Variants in AKAP13 observed in about 807,000 individuals in gnomAD.
AKAP13 encodes A-kinase anchor protein 13.
A neutral mutation model predicts 264.5 loss-of-function variants in AKAP13; 80 were observed. The ratio of observed to expected loss-of-function variants is 0.30; its 90% CI spans 0.25 to 0.36. AKAP13 has a LOEUF of 0.36. AKAP13 is among the 10% of genes least tolerant of loss of function. The probability of loss-of-function intolerance (pLI) is 1.00; values close to 1 mark genes in which losing one functional copy is unlikely to be tolerated. For missense variants in AKAP13, 3,712 were observed against 3,435.2 expected, an observed-to-expected ratio of 1.08 and a Z score of -2.01; for synonymous variants, 1,380 against 1,250.2, an observed-to-expected ratio of 1.10 and a Z score of -2.19.
At chr15:85,563,865 C>G (rs146188609) in intron 5 of AKAP13, among the ~76,000 whole-genome samples, 1 of 152,208 alleles carries the variant, frequency 6.6e-6, no homozygotes, top group Admixed American at 6.5e-5. Context: ...AGGACTGTTA[C>G]ATTTTTTATA....
At chr15:85,527,295 C>T (rs989856797) in intron 3 of AKAP13, among the ~76,000 whole-genome samples, 10 of 152,044 alleles carry the variant, frequency 6.6e-5, no homozygotes, top group African/African-American at 2.4e-4. Context: ...TTATATATTT[C>T]ATAACTTTGG....
At chr15:85,444,898 C>G (rs866212134) in intron 1 of AKAP13, among the ~76,000 whole-genome samples, 1 of 152,128 alleles carries the variant, frequency 6.6e-6, no homozygotes, top group Non-Finnish European at 1.5e-5. Context: ...TCATATGGTA[C>G]AATCATCATA....
At chr15:85,731,145 A>T (rs543703582) in intron 30 of AKAP13, among the ~76,000 whole-genome samples, 1 of 151,782 alleles carries the variant, frequency 6.6e-6, no homozygotes, top group Admixed American at 6.6e-5. Flanking sequence ...GCTTGGGACT[A>T]CAGATGTGCA....
At chr15:85,694,925 T>A (rs559863093) in intron 17 of AKAP13, among the ~76,000 whole-genome samples, 1 of 152,346 alleles carries the variant, frequency 6.6e-6, no homozygotes, top group African/African-American at 2.4e-5. Flanking sequence ...AAGTAATTTC[T>A]TACTAAAAAT....
At chr15:85,460,436 AC>A (rs1382289726) in intron 1 of AKAP13, among the ~76,000 whole-genome samples, 1 of 151,980 alleles carries the variant, frequency 6.6e-6, no homozygotes, top group Admixed American at 6.6e-5. Flanking sequence ...GAACCCTGTC[AC>A]CCCCAGCCTG....
chr15:85,404,963 G>A (rs2071596426), intron 1 of AKAP13, among the ~76,000 whole-genome samples: 1 of 152,182 alleles, frequency 6.6e-6, no homozygotes, highest in Non-Finnish European at 1.5e-5. Context: ...TTATGTAGCA[G>A]TGGTTGTGTT....
At chr15:85,396,697 G>A (rs1416574132) in intron 1 of AKAP13, among the ~76,000 whole-genome samples, 2 of 152,158 alleles carry the variant, frequency 1.3e-5, no homozygotes, top group Non-Finnish European at 2.9e-5. Context: ...TCCAGGATAT[G>A]AAACAGACAA....
At chr15:85,485,364 T>C (rs928118435) in intron 1 of AKAP13, among the ~76,000 whole-genome samples, 4 of 152,192 alleles carry the variant, frequency 2.6e-5, no homozygotes, top group Non-Finnish European at 5.9e-5. Context: ...TTTGTGAGTT[T>C]GAGGGACTAC....
At chr15:85,458,408 T>TA (rs1555431455) in intron 1 of AKAP13, among the ~76,000 whole-genome samples, 1 of 147,926 alleles carries the variant, frequency 6.8e-6, no homozygotes, top group African/African-American at 2.5e-5. Context: ...TTTTTTTTTT[T>TA]ACTATATATG....
At chr15:85,586,921 C>G (rs548085401) in intron 8 of AKAP13, among the ~76,000 whole-genome samples, 4 of 107,470 alleles carry the variant, frequency 3.7e-5, no homozygotes, top group Non-Finnish European at 6.1e-5. Flanking sequence ...GAGCACGACA[C>G]CTTCTCAAAA....
chr15:85,616,567 T>C (rs1178910283), intron 8 of AKAP13, among the ~76,000 whole-genome samples: 2 of 152,210 alleles, frequency 1.3e-5, no homozygotes, highest in Non-Finnish European at 2.9e-5. Context: ...TGTAAGTAAC[T>C]ACTGTTAAGT....
intron 3 of AKAP13, among the ~76,000 whole-genome samples, chr15:85,524,508 A>C (rs371433963): frequency 3.3e-5 from 5 of 151,244 alleles, no homozygotes; most frequent in African/African-American, 1.2e-4. Flanking sequence ...TTTATTTTTC[A>C]TGTTTCATCC....
chr15:85,639,594 C>T (rs2082211465), intron 9 of AKAP13, 145 bp downstream of exon 9: 2 of 645,944 alleles, frequency 3.1e-6, no homozygotes, highest in East Asian at 5.7e-5. Flanking sequence ...GGCATTTTGT[C>T]TTACAGTTGA....
At chr15:85,737,285 TCCTTCTGG>T (rs1437017975) in intron 33 of AKAP13, among the ~76,000 whole-genome samples, 1 of 152,184 alleles carries the variant, frequency 6.6e-6, no homozygotes, top group African/African-American at 2.4e-5. Flanking sequence ...AGTCATGGTG[TCCTTCTGG>T]AAGGATGCCC....
At chr15:85,548,452 C>A (rs894629541) in intron 5 of AKAP13, among the ~76,000 whole-genome samples, 5 of 152,052 alleles carry the variant, frequency 3.3e-5, no homozygotes, top group Admixed American at 1.3e-4. Context: ...GAACTGCTTA[C>A]GGATTAAAAG....
intron 10 of AKAP13, among the ~76,000 whole-genome samples, chr15:85,654,569 G>A (rs1041373968): frequency 2.0e-5 from 3 of 152,126 alleles, no homozygotes; most frequent in African/African-American, 4.8e-5. Context: ...GCTCAAACCT[G>A]TAATCCCAGC....
At chr15:85,555,807 G>C (rs2078122618) in intron 5 of AKAP13, among the ~76,000 whole-genome samples, 1 of 144,542 alleles carries the variant, frequency 6.9e-6, no homozygotes, top group Admixed American at 7.1e-5. Context: ...TGGGCTTATT[G>C]AATTTTGTTG....
chr15:85,629,008 C>T (rs890292174), intron 8 of AKAP13, among the ~76,000 whole-genome samples: 1 of 152,032 alleles, frequency 6.6e-6, no homozygotes, highest in Admixed American at 6.6e-5. Flanking sequence ...GCCTAAGCAA[C>T]ATTGTGAGAC....
intron 1 of AKAP13, among the ~76,000 whole-genome samples, chr15:85,458,031 T>C (rs2074343155): frequency 6.6e-6 from 1 of 151,520 alleles, no homozygotes; most frequent in African/African-American, 2.4e-5. Context: ...TCCCACCTAC[T>C]CTAGAGGCTG....
Sources: gnomAD v4.1 joint callset for allele counts (sites outside exome capture counted in the v4.1 genomes callset) on GRCh38, gnomAD v4.1.1 for gene constraint, MANE v1.5 for transcripts, NCBI Gene and HGNC (gene_info 2026-07-23, HGNC 2026-07-21) for gene names.